The following PRPF19 variants were observed in gnomAD, a reference collection of about 807,000 sequenced individuals.
PRPF19 encodes pre-mRNA processing factor 19.
Under a neutral mutation model 64.2 loss-of-function variants are expected in PRPF19, and 2 were observed. The ratio of observed to expected loss-of-function variants is 0.03; its 90% CI spans 0.01 to 0.10. PRPF19 has a LOEUF of 0.10. Among genes scored for constraint, PRPF19 ranks in the 10% least tolerant of loss-of-function variants. PRPF19 has a pLI of 1.00. For missense variants in PRPF19, 314 were observed against 650.0 expected (o/e 0.48, Z 5.62); for synonymous variants, 226 against 251.6 (o/e 0.90, Z 0.96).
Position 60,901,668 on chromosome 11 carries a change from G to A in PRPF19, c.526-128C>T, listed in dbSNP as rs1344944763. 8 of 1,023,124 alleles carry A rather than the reference G, an allele frequency of 7.8e-6. No individual in the cohort carries two copies. The Admixed American group carries it at 9.8e-5, about 12-fold the overall frequency. 63.4% of individuals were successfully genotyped at this position (1,023,124 alleles called of 1,614,324 possible). A position where few individuals can be genotyped will look rare whatever the true frequency, so the allele number is the denominator to read the frequency against. On this transcript the variant is annotated intron_variant, in intron 6 of 15. Coordinates refer to ENST00000227524, the MANE Select transcript of PRPF19 (RefSeq NM_014502.5). ...GCTATCTGCCAACTTCTACGTTACA[G>A]GCTTAAAGGCATTCTCTCTTCTTAC...
chr11:60,903,417 T>A, intron 3 of PRPF19, 42 bp downstream of exon 3: 1 of 1,570,126 alleles, frequency 6.4e-7, no homozygotes, highest in Non-Finnish European at 8.7e-7. Context: ...CAATGCATTC[T>A]CTTCAAGTGG....
Position 60,899,281 on chromosome 11 carries a change from G to A in PRPF19, c.852C>T (p.Pro284=), listed in dbSNP as rs377524762. Residue 284 remains proline (P), a synonymous_variant, in exon 11 of 16, where the codon CCC becomes CCT. Transcript: ENST00000227524. ...PSQDLVFSAS[P]DATIRIWSVP... ...CCGACCAAATCCTGATAGTGGCATCGGGGGAAGCAGAAAACACCAGGTCCT... is the reference window on the plus strand; with the variant it reads ...CCGACCAAATCCTGATAGTGGCATCAGGGGAAGCAGAAAACACCAGGTCCT... 12 of 1,612,578 alleles carry A rather than the reference G, an allele frequency of 7.4e-6. No individual in the cohort carries two copies. Among genetic ancestry groups the A allele is most frequent in the African/African-American group, 2.7e-5 (2 of 74,882 alleles).
rs376521508 is a variant in PRPF19, at chr11:60,903,845, C to A, written c.36G>T (p.Pro12=). The part of the protein sequence containing the change: ...SLICSISNEV[P]EHPCVSPVSN... ...AGACAGGGGATACACATGGGTGCTC[C>A]GGCACTTCGTTAGAGACTGTAGAGA... Residue 12 remains proline (P), a synonymous_variant, in exon 2 of 16, where the codon CCG becomes CCT. Coordinates refer to ENST00000227524, the MANE Select transcript of PRPF19 (RefSeq NM_014502.5). 7 of 1,608,362 alleles carry A rather than the reference C, an allele frequency of 4.4e-6. No individual in the cohort carries two copies. The African/African-American group carries it at 9.4e-5, about 22-fold the overall frequency.
At chr11:60,899,339 GA>G in intron 10 of PRPF19, 35 bp from the exon 11 acceptor site, 3 of 1,583,752 alleles carry the variant, frequency 1.9e-6, no homozygotes, top group Non-Finnish European at 2.6e-6. Context: ...ATCAGAGTCA[GA>G]AAAGAGATAC....
chr11:60,896,998 A>G (rs2134859443), intron 15 of PRPF19, among the ~76,000 whole-genome samples: 1 of 152,262 alleles, frequency 6.6e-6, no homozygotes. Context: ...CTGAAGAAAA[A>G]GTTTTTTATG....
intron 1 of PRPF19, 148 bp downstream of exon 1, chr11:60,906,216 G>A (rs1856043499): frequency 7.0e-6 from 9 of 1,279,568 alleles, no homozygotes; most frequent in South Asian, 6.9e-5. Flanking sequence ...CCGACGGGGG[G>A]GGCTCCGGTG....
At chr11:60,904,222 T>C (rs1208302543) in intron 1 of PRPF19, among the ~76,000 whole-genome samples, 1 of 152,226 alleles carries the variant, frequency 6.6e-6, no homozygotes, top group Non-Finnish European at 1.5e-5. Flanking sequence ...CTCCATGACA[T>C]GGAGATACAC....
Position 60,898,734 on chromosome 11 carries a change from A to G in PRPF19, c.1055-108T>C, listed in dbSNP as rs1181890293. Reference sequence around the variant, plus strand: ...TCACATTCCTCAGTGAACCCAGCACAAAGCCCGCACTAGACAGGTGCTCAT... The same window carrying G: ...TCACATTCCTCAGTGAACCCAGCACGAAGCCCGCACTAGACAGGTGCTCAT... On this transcript the variant is annotated intron_variant, in intron 12 of 15. Transcript: ENST00000227524. This position sits in a 1 kb window ranked among gnomAD's most constrained non-coding sequence, Gnocchi z 4.6. 6 of 1,577,698 alleles carry G rather than the reference A, an allele frequency of 3.8e-6. No individual in the cohort carries two copies. The African/African-American group carries it at 6.8e-5, about 18-fold the overall frequency.
At chr11:60,893,015 T>A (rs981722532) in intron 15 of PRPF19, among the ~76,000 whole-genome samples, 1 of 151,894 alleles carries the variant, frequency 6.6e-6, no homozygotes, top group Non-Finnish European at 1.5e-5. Flanking sequence ...CATAGAGTCA[T>A]GTGTCACATA....
chr11:60,902,886 G>T lies in PRPF19; in HGVS notation c.247-5C>A. ...GCTGTGCAGCATGACTGCATCCTGG[G>T]AGAAGCAAATATCATTGTAAGGTGA... is the stretch of plus-strand genomic sequence containing the variant. On this transcript the variant is annotated splice_region_variant and splice_polypyrimidine_tract_variant and intron_variant, in intron 3 of 15. Coordinates refer to ENST00000227524, the MANE Select transcript of PRPF19 (RefSeq NM_014502.5). This position sits in a 1 kb window ranked among gnomAD's most constrained non-coding sequence, Gnocchi z 5.0. The T allele has an allele frequency of 6.2e-7, 1 of 1,613,140 alleles. No individual in the cohort carries two copies. The highest frequency in any genetic ancestry group is 8.5e-7 in the Non-Finnish European group (1 of 1,179,882).
chr11:60,900,704 CA>C lies in PRPF19; in HGVS notation c.719-14del, dbSNP rs1855974531. The C allele has an allele frequency of 6.4e-7, 1 of 1,559,114 alleles. No individual in the cohort carries two copies. Among genetic ancestry groups the C allele is most frequent in the Non-Finnish European group, 8.7e-7 (1 of 1,150,018 alleles). The stretch of plus-strand genomic sequence containing the variant: ...TTATCCGCCCCACCTGGAGAAGACC[CA>C]AAAAGACCAAACAATGAGTCAGGCC... On this transcript the variant is annotated splice_polypyrimidine_tract_variant and intron_variant, in intron 9 of 15. Coordinates refer to ENST00000227524, the MANE Select transcript of PRPF19 (RefSeq NM_014502.5).
chr11:60,894,421 T>C (rs1282495423), intron 15 of PRPF19, among the ~76,000 whole-genome samples: 1 of 152,218 alleles, frequency 6.6e-6, no homozygotes. Context: ...TCTTTGGTCA[T>C]CCCTAAGAGC....
intron 8 of PRPF19, 129 bp downstream of exon 8, chr11:60,901,166 G>C: frequency 8.9e-7 from 1 of 1,126,336 alleles, no homozygotes; most frequent in Non-Finnish European, 1.3e-6. Flanking sequence ...GCCCAGGCGA[G>C]AAACAGCACC....
intron 6 of PRPF19, 28 bp from the exon 7 acceptor site, chr11:60,901,568 C>G: frequency 6.2e-7 from 1 of 1,613,318 alleles, no homozygotes; most frequent in South Asian, 1.1e-5. Context: ...CAATGTGAGA[C>G]AAATCATCTT....
Position 60,891,150 on chromosome 11 carries a change from T to TCAGAAGGG in PRPF19, c.*8_*15dup, listed in dbSNP as rs1855854345. Reference sequence around the variant, plus strand: ...CTACTGAGATGAGGCCCAGCTTCCATCAGAAGGGCCAGGGCCTACAGGCTG... The same window carrying TCAGAAGGG: ...CTACTGAGATGAGGCCCAGCTTCCATCAGAAGGGCAGAAGGGCCAGGGCCTACAGGCTG... On this transcript the variant is annotated 3_prime_UTR_variant, in exon 16 of 16. Coordinates refer to ENST00000227524, the MANE Select transcript of PRPF19 (RefSeq NM_014502.5). The TCAGAAGGG allele has an allele frequency of 6.4e-6, 7 of 1,100,050 alleles. No homozygotes were observed. The highest frequency in any genetic ancestry group is 8.9e-6 in the Non-Finnish European group (7 of 786,426). The allele number at this position is 1,100,050 out of a possible 1,614,324, so 68.1% of individuals were successfully genotyped here. A position where few individuals can be genotyped will look rare whatever the true frequency, so the allele number is the denominator to read the frequency against.
Position 60,898,379 on chromosome 11 carries a change from G to C in PRPF19, c.1141-108C>G. 1 of 1,513,902 alleles carries C rather than the reference G, an allele frequency of 6.6e-7. No homozygotes were observed. The highest frequency in any genetic ancestry group is 8.9e-7 in the Non-Finnish European group (1 of 1,122,944). The allele number at this position is 1,513,902 out of a possible 1,614,324, so 93.8% of individuals were successfully genotyped here. On this transcript the variant is annotated intron_variant, in intron 13 of 15. Transcript: ENST00000227524. The surrounding 1 kb of genome is among the most constrained non-coding windows in gnomAD (Gnocchi z 4.6). ...ATGTCCCTCACGTCCTTCCAGGAAG[G>C]ACAGCCAGCGGGACCCCCCAGACCA...
At chr11:60,903,211 G>A (rs77533626) in intron 3 of PRPF19, among the ~76,000 whole-genome samples, 1,633 of 152,192 alleles carry the variant, frequency 0.011, 30 homozygotes, top group African/African-American at 0.037. Flanking sequence ...GATCGCCCTC[G>A]TTGTGTCAGG....
At chr11:60,891,291 GAGA>G in intron 15 of PRPF19, 28 bp from the exon 16 acceptor site, 5 of 1,559,538 alleles carry the variant, frequency 3.2e-6, no homozygotes, top group Non-Finnish European at 4.4e-6. Context: ...AGGCAACTGT[GAGA>G]AGGCTTTTCC....
intron 1 of PRPF19, 110 bp downstream of exon 1, chr11:60,906,254 G>C: frequency 7.0e-7 from 1 of 1,427,342 alleles, no homozygotes; most frequent in Non-Finnish European, 9.1e-7. Flanking sequence ...GGCCTCCGGA[G>C]CGCCCCATTC....
Sources: allele counts gnomAD v4.1 joint callset (sites outside exome capture counted in the v4.1 genomes callset), GRCh38; gene constraint gnomAD v4.1.1; non-coding constraint Gnocchi (gnomAD v3.1); transcripts MANE v1.5; gene names NCBI Gene and HGNC (gene_info 2026-07-23, HGNC 2026-07-21).